The following PRKG1 variants were observed in gnomAD, a reference collection of about 807,000 sequenced individuals.
PRKG1 encodes cGMP-dependent protein kinase 1.
A neutral mutation model predicts 88.1 loss-of-function variants in PRKG1; 35 were observed. That is an observed-to-expected ratio of 0.40 (90% confidence interval 0.30 to 0.53). The LOEUF (loss-of-function observed/expected upper bound fraction) is 0.53, where lower values mean the gene tolerates loss of function less well. Among genes scored for constraint, PRKG1 ranks in the 20% least tolerant of loss-of-function variants. The probability of loss-of-function intolerance (pLI) is 0.59; values close to 1 mark genes in which losing one functional copy is unlikely to be tolerated. For synonymous variants in PRKG1, 303 were observed against 292.5 expected (o/e 1.04, Z -0.37); for missense variants, 540 against 839.8 (o/e 0.64, Z 4.41).
chr10:51,475,072 G>A (rs1240629428), intron 3 of PRKG1, among the ~76,000 whole-genome samples: 1 of 151,986 alleles, frequency 6.6e-6, no homozygotes, highest in Non-Finnish European at 1.5e-5. Flanking sequence ...GTGCATTAGT[G>A]TAGTTCATTA....
intron 5 of PRKG1, among the ~76,000 whole-genome samples, chr10:51,933,223 G>T (rs1842732124): frequency 6.6e-6 from 1 of 152,062 alleles, no homozygotes; most frequent in African/African-American, 2.4e-5. Context: ...TGCTGTGCAG[G>T]AATAGAAGGG....
chr10:51,323,282 A>T (rs143582437), intron 2 of PRKG1, among the ~76,000 whole-genome samples: 1,933 of 152,340 alleles, frequency 0.013, 31 homozygotes, highest in Middle Eastern at 0.027. Context: ...TTATCTCTTC[A>T]TCGTGGAAAA....
In PRKG1 at chr10:52,271,414, T is replaced by C; in HGVS notation, c.1238T>C (p.Val413Ala). The C allele has an allele frequency of 6.2e-7, 1 of 1,613,026 alleles. No individual in the cohort carries two copies. Among genetic ancestry groups the C allele is most frequent in the Non-Finnish European group, 8.5e-7 (1 of 1,179,366 alleles). The change falls in exon 11 of 18, where the codon GTG becomes GCG. Residue 413 changes from valine (V) to alanine (A), a missense_variant. Physicochemically the swap from Val to Ala is moderately conservative, Grantham distance 64. This residue lies in a region of PRKG1 where 400 missense variants were observed against 562.7 expected (regional missense o/e 0.71). Transcript: ENST00000373980. ...AMKILKKRHIVDTRQQEHIRS... is the reference protein window; with the variant it reads ...AMKILKKRHIADTRQQEHIRS... Reference sequence around the variant, plus strand: ...AAGATTCTCAAGAAACGTCACATTGTGGACACAAGACAGCAGGAGCACATC... The same window carrying C: ...AAGATTCTCAAGAAACGTCACATTGCGGACACAAGACAGCAGGAGCACATC...
intron 1 of PRKG1, among the ~76,000 whole-genome samples, chr10:51,092,139 G>A (rs185343849): frequency 6.6e-6 from 1 of 152,296 alleles, no homozygotes; most frequent in African/African-American, 2.4e-5. Context: ...GGTGAATATA[G>A]AATTGATCAG....
intron 1 of PRKG1, among the ~76,000 whole-genome samples, chr10:51,095,133 G>C (rs1844497099): frequency 6.6e-6 from 1 of 152,018 alleles, no homozygotes; most frequent in Non-Finnish European, 1.5e-5. Flanking sequence ...ACGTCTGGAG[G>C]GTTTATGATC....
chr10:51,289,143 C>G (rs1399918485), intron 2 of PRKG1, among the ~76,000 whole-genome samples: 1 of 152,066 alleles, frequency 6.6e-6, no homozygotes, highest in African/African-American at 2.4e-5. Flanking sequence ...TCCAAAACAA[C>G]CCATGAATGT....
chr10:51,357,493 A>G (rs559346346), intron 2 of PRKG1, among the ~76,000 whole-genome samples: 58 of 152,050 alleles, frequency 3.8e-4, no homozygotes, highest in African/African-American at 1.3e-3. Context: ...GAATCTCTCT[A>G]CCTGCCAGCT....
rs1183031073 is a variant in PRKG1, at chr10:52,294,608, T to C, written c.*708T>C. On this transcript the variant is annotated 3_prime_UTR_variant, in exon 18 of 18. Coordinates refer to ENST00000373980, the MANE Select transcript of PRKG1 (RefSeq NM_006258.4). ...TCACAGAAGACTGAAAAATAATGCATGATATTTGTTTGTTTTTTTTGATAA... is the reference window on the plus strand; with the variant it reads ...TCACAGAAGACTGAAAAATAATGCACGATATTTGTTTGTTTTTTTTGATAA... 4 of 152,520 alleles carry C rather than the reference T, an allele frequency of 2.6e-5. No homozygotes were observed. The highest frequency in any genetic ancestry group is 7.2e-5 in the African/African-American group (3 of 41,450). The allele number at this position is 152,520 out of a possible 1,614,324, so 9.4% of individuals were successfully genotyped here. A position where few individuals can be genotyped will look rare whatever the true frequency, so the allele number is the denominator to read the frequency against.
intron 2 of PRKG1, among the ~76,000 whole-genome samples, chr10:51,249,066 A>T (rs1038329760): frequency 5.3e-5 from 8 of 151,838 alleles, no homozygotes; most frequent in Non-Finnish European, 1.2e-4. Context: ...ATCATTTATA[A>T]AATTTTTAAA....
At chr10:52,156,846 A>G (rs1043563492) in intron 8 of PRKG1, among the ~76,000 whole-genome samples, 13 of 151,748 alleles carry the variant, frequency 8.6e-5, no homozygotes, top group Non-Finnish European at 1.5e-4. Context: ...ATTTTTAAAT[A>G]AATATTTTTT....
At chr10:51,668,204 G>T (rs1483665800) in intron 3 of PRKG1, among the ~76,000 whole-genome samples, 1 of 152,128 alleles carries the variant, frequency 6.6e-6, no homozygotes, top group Admixed American at 6.6e-5. Flanking sequence ...AGTATGTCAG[G>T]AAGGTTAATG....
chr10:52,073,868 C>T (rs1846565354), intron 7 of PRKG1, among the ~76,000 whole-genome samples: 1 of 152,178 alleles, frequency 6.6e-6, no homozygotes, highest in South Asian at 2.1e-4. Flanking sequence ...TGCAACCTCC[C>T]CTTCATATCT....
chr10:51,292,998 C>T (rs1840623662), intron 2 of PRKG1, among the ~76,000 whole-genome samples: 1 of 152,062 alleles, frequency 6.6e-6, no homozygotes, highest in Non-Finnish European at 1.5e-5. Context: ...CCAATCTCTG[C>T]CCTCACAGTA....
At chr10:51,461,307 A>G (rs1276044506) in intron 2 of PRKG1, among the ~76,000 whole-genome samples, 1 of 152,154 alleles carries the variant, frequency 6.6e-6, no homozygotes, top group Non-Finnish European at 1.5e-5. Flanking sequence ...TGTAAGAATT[A>G]TTTCTATGAT....
chr10:52,014,883 T>C (rs886662491), intron 5 of PRKG1, among the ~76,000 whole-genome samples: 3 of 152,214 alleles, frequency 2.0e-5, no homozygotes, highest in African/African-American at 7.2e-5. Context: ...ATGTCTCACA[T>C]TCAGGGCACA....
At chr10:51,447,085 G>T (rs777870619) in intron 2 of PRKG1, among the ~76,000 whole-genome samples, 1 of 151,886 alleles carries the variant, frequency 6.6e-6, no homozygotes, top group Non-Finnish European at 1.5e-5. Context: ...TTATAATACC[G>T]CCAATTGAGT....
intron 9 of PRKG1, among the ~76,000 whole-genome samples, chr10:52,179,302 T>A (rs1274769846): frequency 6.6e-6 from 1 of 152,216 alleles, no homozygotes; most frequent in African/African-American, 2.4e-5. Context: ...TAGCTTTTGC[T>A]TGTTTATGAC....
intron 4 of PRKG1, among the ~76,000 whole-genome samples, chr10:51,873,238 AATGCC>A (rs1841204878): frequency 6.6e-6 from 1 of 152,114 alleles, no homozygotes; most frequent in African/African-American, 2.4e-5. Context: ...TTCATTATAT[AATGCC>A]ATATAGTTTA....
intron 4 of PRKG1, among the ~76,000 whole-genome samples, chr10:51,860,230 AC>A (rs1322995174): frequency 6.6e-6 from 1 of 152,158 alleles, no homozygotes; most frequent in Admixed American, 6.5e-5. Context: ...CGAAAAAACA[AC>A]CCTCAAAGTT....
Sources: gnomAD v4.1 joint callset for allele counts (sites outside exome capture counted in the v4.1 genomes callset) on GRCh38, gnomAD v4.1.1 for gene constraint, gnomAD v4.1.1 regional missense constraint, MANE v1.5 for transcripts, NCBI Gene and HGNC (gene_info 2026-07-23, HGNC 2026-07-21) for gene names.